MYO9B: variants seen among roughly 807,000 people sequenced by gnomAD.
MYO9B encodes myosin IXB, also known as unconventional myosin-IXb.
Under a neutral mutation model 229.5 loss-of-function variants are expected in MYO9B, and 71 were observed. The observed-to-expected ratio is 0.31, with a 90% CI of 0.26 to 0.38. The LOEUF (loss-of-function observed/expected upper bound fraction) is 0.38. MYO9B is among the 10% of genes least tolerant of loss of function. MYO9B has a pLI of 1.00. For missense variants in MYO9B, 2,255 were observed against 2,920.5 expected, an observed-to-expected ratio of 0.77 and a Z score of 5.25; for synonymous variants, 1,185 against 1,235.8, an observed-to-expected ratio of 0.96 and a Z score of 0.86.
At chr19:17,137,623 T>C (rs1599360382) in intron 2 of MYO9B, among the ~76,000 whole-genome samples, 1 of 152,292 alleles carries the variant, frequency 6.6e-6, no homozygotes, top group Non-Finnish European at 1.5e-5. Flanking sequence ...AGCCAGCTCC[T>C]TGAGTAGTGT....
rs1473592503 is a variant in MYO9B, at chr19:17,185,907, C to T, written c.2497-14C>T. The T allele has an allele frequency of 3.7e-6, 6 of 1,612,130 alleles. No individual in the cohort carries two copies. Among genetic ancestry groups the T allele is most frequent in the Non-Finnish European group, 5.1e-6 (6 of 1,178,254 alleles). ...CCCTGATTCAACCCAAATGCTTTCT[C>T]TTTCCCTTAACAGACATCCCTTAAC... On this transcript the variant is annotated splice_polypyrimidine_tract_variant and intron_variant, in intron 17 of 39. Coordinates refer to ENST00000682292, the MANE Select transcript of MYO9B (RefSeq NM_004145.4).
At position 17,210,704 on chromosome 19, in the gene MYO9B, C is replaced by G. The variant is rs1179244634; in HGVS notation, c.5797-11C>G. Reference sequence around the variant, plus strand: ...GAGATGTCAGTGGGACCCCTTGCTTCTTTGTTTCAGAACAAGAGCCCCAAG... The same window carrying G: ...GAGATGTCAGTGGGACCCCTTGCTTGTTTGTTTCAGAACAAGAGCCCCAAG... On this transcript the variant is annotated splice_polypyrimidine_tract_variant and intron_variant, in intron 37 of 39. Transcript: ENST00000682292. The G allele has an allele frequency of 3.3e-6, 5 of 1,531,356 alleles. No homozygotes were observed. The highest frequency in any genetic ancestry group is 3.5e-6 in the Non-Finnish European group (4 of 1,137,940). 94.9% of individuals were successfully genotyped at this position (1,531,356 alleles called of 1,614,324 possible).
rs1487661795 is a variant in MYO9B at position 17,207,208 on chromosome 19, C to T, written c.5588C>T (p.Pro1863Leu). 1 of 1,601,122 alleles carries T rather than the reference C, an allele frequency of 6.2e-7. No homozygotes were observed. The highest frequency in any genetic ancestry group is 8.5e-7 in the Non-Finnish European group (1 of 1,175,026). The change falls in exon 35 of 40, where the codon CCG (proline) becomes CTG (leucine). Residue 1863 changes from proline (P) to leucine (L), a missense_variant. Physicochemically the swap from Pro to Leu is moderately conservative, Grantham distance 98 (BLOSUM62 -3). Coordinates refer to ENST00000682292, the MANE Select transcript of MYO9B (RefSeq NM_004145.4). The stretch of plus-strand genomic sequence containing the variant: ...CTGCGCTGCCCTGACAACTCGGACC[C>T]GCTGACCAGCATGAAGGACGTCCTC... ...CLLRCPDNSD[P>L]LTSMKDVLKI...
At chr19:17,184,324 GCT>G (rs2072893328) in intron 16 of MYO9B, among the ~76,000 whole-genome samples, 2 of 152,272 alleles carry the variant, frequency 1.3e-5, no homozygotes, top group South Asian at 4.1e-4. Context: ...CCTCCCAAGC[GCT>G]CTGTCTCGTT....
At chr19:17,198,759 C>G (rs1192869360) in intron 24 of MYO9B, among the ~76,000 whole-genome samples, 3 of 141,902 alleles carry the variant, frequency 2.1e-5, no homozygotes, top group South Asian at 2.2e-4. Context: ...AAAAAAAAAG[C>G]CTCTAGGGCA....
intron 2 of MYO9B, among the ~76,000 whole-genome samples, chr19:17,108,237 A>G (rs1462471828): frequency 6.6e-6 from 1 of 152,178 alleles, no homozygotes; most frequent in Non-Finnish European, 1.5e-5. Flanking sequence ...CAGCGGTTCT[A>G]AGCCGCTCGA....
intron 2 of MYO9B, among the ~76,000 whole-genome samples, chr19:17,132,359 T>C (rs1402891177): frequency 6.7e-6 from 1 of 148,548 alleles, no homozygotes; most frequent in East Asian, 2.0e-4. Flanking sequence ...CTAATTTTTG[T>C]TATTTGTAGT....
chr19:17,090,711 G>C (rs907015378), intron 1 of MYO9B, among the ~76,000 whole-genome samples: 1 of 151,900 alleles, frequency 6.6e-6, no homozygotes, highest in Non-Finnish European at 1.5e-5. Context: ...TGAGTCAGGT[G>C]GTAGAGCGGG....
chr19:17,136,742 C>A (rs561550776), intron 2 of MYO9B, among the ~76,000 whole-genome samples: 114 of 152,050 alleles, frequency 7.5e-4, no homozygotes, highest in African/African-American at 2.7e-3. Context: ...TTGGTGGTTC[C>A]CGCCCACCGA....
chr19:17,202,279 CAAG>C lies in MYO9B; in HGVS notation c.4815_4817del (p.Lys1605del), dbSNP rs2073114930. The C allele has an allele frequency of 6.3e-7, 1 of 1,575,066 alleles. No homozygotes were observed. The highest frequency in any genetic ancestry group is 1.4e-5 in the African/African-American group (1 of 73,712). The stretch of plus-strand genomic sequence containing the variant: ...TAGATGAGTTCACCCGTGGCTACAC[CAAG>C]AACGACTTCGAGCCAGTGAAGGTGG... On this transcript the variant is annotated inframe_deletion, in exon 28 of 40. Coordinates refer to ENST00000682292, the MANE Select transcript of MYO9B (RefSeq NM_004145.4).
At chr19:17,134,637 C>G (rs945701822) in intron 2 of MYO9B, among the ~76,000 whole-genome samples, 1 of 151,988 alleles carries the variant, frequency 6.6e-6, no homozygotes, top group East Asian at 1.9e-4. Context: ...ATCTGCCCAC[C>G]TTGGCCTCCC....
intron 2 of MYO9B, among the ~76,000 whole-genome samples, chr19:17,131,424 A>G (rs543057167): frequency 6.6e-6 from 1 of 152,296 alleles, no homozygotes; most frequent in East Asian, 1.9e-4. Flanking sequence ...GCACGCCACC[A>G]TGCCCGGCTA....
rs372528782 is a variant in MYO9B at position 17,211,927 on chromosome 19, G to A, written c.6091G>A (p.Ala2031Thr). The change falls in exon 40 of 40, where the codon GCG (alanine) becomes ACG (threonine). Residue 2031 changes from alanine to threonine, a missense_variant. By Grantham distance (58) the Ala-to-Thr change is moderately conservative. Around this residue, in one of 7 missense-constraint regions of MYO9B, gnomAD observed 331 missense variants for 332.5 expected, o/e 1.00. Transcript: ENST00000682292. ...PPAPALPCPGAPTPSPLPTVA... is the reference protein window; with the variant it reads ...PPAPALPCPGTPTPSPLPTVA... ...TGCGCCTGCTCTCCCTTGCCCCGGC[G>A]CGCCCACCCCGAGCCCCCTCCCCAC... is the stretch of plus-strand genomic sequence containing the variant. 6.1e-5 allele frequency: 95 copies of A among 1,569,794 alleles called. No homozygotes were observed. Among genetic ancestry groups the A allele is most frequent in the Non-Finnish European group, 7.9e-5 (92 of 1,157,806 alleles).
Position 17,156,926 on chromosome 19 carries a change from C to T in MYO9B, c.1217C>T (p.Ser406Leu), listed in dbSNP as rs1421846800. The change falls in exon 7 of 40, where the codon TCG (serine) becomes TTG (leucine). Residue 406 changes from serine (S) to leucine (L), a missense_variant. Around this residue, in one of 7 missense-constraint regions of MYO9B, gnomAD observed 220 missense variants for 404.5 expected, o/e 0.54. Coordinates refer to ENST00000682292, the MANE Select transcript of MYO9B (RefSeq NM_004145.4). ...ATKKQIFAVL[S>L]AILYLGNVTY... ...TTTCCCAGGATTTTTGCCGTCCTCTCGGCCATCCTGTACCTGGGCAACGTC... is the reference window on the plus strand; with the variant it reads ...TTTCCCAGGATTTTTGCCGTCCTCTTGGCCATCCTGTACCTGGGCAACGTC... 3.1e-6 allele frequency: 5 copies of T among 1,613,118 alleles called. No individual in the cohort carries two copies. The highest frequency in any genetic ancestry group is 2.2e-5 in the East Asian group (1 of 44,846).
chr19:17,115,562 G>A (rs905580300), intron 2 of MYO9B, among the ~76,000 whole-genome samples: 3 of 148,496 alleles, frequency 2.0e-5, no homozygotes, highest in African/African-American at 5.0e-5. Context: ...TCCGCCTCCC[G>A]GGTTCAAGCA....
chr19:17,082,579 G>T (rs1044667163), intron 1 of MYO9B, among the ~76,000 whole-genome samples: 8 of 152,062 alleles, frequency 5.3e-5, no homozygotes, highest in Non-Finnish European at 8.8e-5. Context: ...GATTCCCAGG[G>T]TATGGGTACT....
intron 13 of MYO9B, among the ~76,000 whole-genome samples, chr19:17,174,575 T>C (rs904784382): frequency 6.6e-6 from 1 of 152,072 alleles, no homozygotes; most frequent in African/African-American, 2.4e-5. Context: ...AGGCGGAGGT[T>C]GCAGTGAGCC....
rs562366206 is a variant in MYO9B, at chr19:17,077,569, T to C, written c.-59+1695T>C. On this transcript the variant is annotated intron_variant, in intron 1 of 39. Transcript: ENST00000682292. ...TAGAGAATGGCCAAGCAGGGTCTTG[T>C]GGGGGGAGCACTGTGTTGGAGATCC... is the stretch of plus-strand genomic sequence containing the variant. Among the ~76,000 whole-genome samples the C allele has an allele frequency of 2.2e-4, 33 of 152,256 alleles. 1 individual carries two copies. The South Asian group carries it at 6.4e-3, about 30-fold the overall frequency.
chr19:17,171,262 CCAA>C (rs1473606484), intron 11 of MYO9B, among the ~76,000 whole-genome samples: 2 of 152,206 alleles, frequency 1.3e-5, no homozygotes, highest in Admixed American at 6.5e-5. Flanking sequence ...ATTTGCCAAA[CCAA>C]CAACATCATT....
Sources: gnomAD v4.1 joint callset for allele counts (sites outside exome capture counted in the v4.1 genomes callset) on GRCh38, gnomAD v4.1.1 for gene constraint, gnomAD v4.1.1 regional missense constraint, MANE v1.5 for transcripts, NCBI Gene and HGNC (gene_info 2026-07-23, HGNC 2026-07-21) for gene names.